NCAPG2: variants seen among roughly 807,000 people sequenced by gnomAD.
NCAPG2 encodes the protein condensin-2 complex subunit G2.
Under a neutral mutation model 141.1 loss-of-function variants are expected in NCAPG2, and 53 were observed. The ratio of observed to expected loss-of-function variants is 0.38; its 90% CI spans 0.30 to 0.47. NCAPG2 has a LOEUF of 0.47. Among genes scored for constraint, NCAPG2 ranks in the 20% least tolerant of loss-of-function variants. The probability of loss-of-function intolerance (pLI) is 0.99; values close to 1 mark genes in which losing one functional copy is unlikely to be tolerated. For missense variants in NCAPG2, 1,087 were observed against 1,389.0 expected (o/e 0.78, Z 3.46); for synonymous variants, 499 against 490.7 (o/e 1.02, Z -0.22).
chr7:158,632,417 T>C (rs1451108829), intron 27 of NCAPG2, among the ~76,000 whole-genome samples: 1 of 152,218 alleles, frequency 6.6e-6, no homozygotes. Context: ...CTTCCCTTTT[T>C]ACTGTCCCAC....
intron 23 of NCAPG2, among the ~76,000 whole-genome samples, 154 bp downstream of exon 23, chr7:158,652,139 T>A (rs1008827263): frequency 2.0e-5 from 3 of 152,076 alleles, no homozygotes; most frequent in Admixed American, 1.3e-4. Context: ...ACGGACTCCA[T>A]CTCTCTCAGT....
In NCAPG2 at chr7:158,667,532, CCCTG is replaced by C. The variant is rs1483214958; in HGVS notation, c.1480-2786_1480-2783del. Among the ~76,000 whole-genome samples the C allele has an allele frequency of 4.4e-4, 20 of 45,116 alleles. 2 individuals are homozygous for C. Among genetic ancestry groups the C allele is most frequent in the African/African-American group, 1.9e-3 (16 of 8,390 alleles). The allele number at this position is 45,116 out of a possible 152,430, so 29.6% of individuals were successfully genotyped here. On this transcript the variant is annotated intron_variant, in intron 13 of 27. Transcript: ENST00000356309. ...TGGGTCCCTCCGCCCTCCTTACCTA[CCCTG>C]TGGCCCTCCACCCGCTTACCCACTA...
chr7:158,635,348 T>C (rs1322578585), intron 27 of NCAPG2, among the ~76,000 whole-genome samples: 1 of 152,134 alleles, frequency 6.6e-6, no homozygotes, highest in Admixed American at 6.6e-5. Flanking sequence ...GAGGCCATTT[T>C]CAGGGAGTAC....
chr7:158,641,309 T>C, intron 27 of NCAPG2: 1 of 396,634 alleles, frequency 2.5e-6, no homozygotes, highest in Non-Finnish European at 4.5e-6. Flanking sequence ...TCACTTTGAA[T>C]ATGGTACATA....
chr7:158,701,155 C>T (rs1471828123), intron 2 of NCAPG2, among the ~76,000 whole-genome samples: 2 of 152,202 alleles, frequency 1.3e-5, no homozygotes, highest in African/African-American at 4.8e-5. Context: ...GGCCCTTCCC[C>T]ACCATATCCA....
At chr7:158,672,157 G>A (rs1193334403) in intron 12 of NCAPG2, among the ~76,000 whole-genome samples, 1 of 151,814 alleles carries the variant, frequency 6.6e-6, no homozygotes, top group African/African-American at 2.4e-5. Flanking sequence ...CACAGGCCAA[G>A]GCTCAGTCTG....
chr7:158,674,195 C>T lies in NCAPG2; in HGVS notation c.1326+1282G>A, dbSNP rs576332317. Reference sequence around the variant, plus strand: ...TCTGCAATGAGGAGAAATGGGGGAGCCTCTGCCTCGGATGGAGATGCGAAC... The same window carrying T: ...TCTGCAATGAGGAGAAATGGGGGAGTCTCTGCCTCGGATGGAGATGCGAAC... On this transcript the variant is annotated intron_variant, in intron 12 of 27. Coordinates refer to ENST00000356309, the MANE Select transcript of NCAPG2 (RefSeq NM_017760.7). 2.0e-5 allele frequency among the ~76,000 whole-genome samples: 3 copies of T among 152,132 alleles called. No homozygotes were observed. In the South Asian group the frequency reaches 6.2e-4, roughly 32 times the overall value.
chr7:158,668,758 G>T (rs1027118716), intron 13 of NCAPG2, among the ~76,000 whole-genome samples: 10 of 152,292 alleles, frequency 6.6e-5, no homozygotes, highest in Middle Eastern at 3.4e-3. Flanking sequence ...TGTTTTCTGG[G>T]TTTTTTGGTC....
intron 12 of NCAPG2, among the ~76,000 whole-genome samples, chr7:158,672,324 ATATATTTTTTTTTTTTTTTTT>A (rs1362410839): frequency 1.3e-4 from 6 of 45,098 alleles, no homozygotes; most frequent in Non-Finnish European, 2.5e-4. Flanking sequence ...ATATATATAT[ATATATTTTTTTTTTTTTTTTT>A]TTTTTTTTTT....
chr7:158,664,185 G>A lies in NCAPG2; in HGVS notation c.1814C>T (p.Thr605Ile). 2 of 1,602,818 alleles carry A rather than the reference G, an allele frequency of 1.2e-6. No homozygotes were observed. Among genetic ancestry groups the A allele is most frequent in the South Asian group, 1.1e-5 (1 of 90,806 alleles). The change falls in exon 15 of 28, where the codon ACT becomes ATT. Residue 605 changes from threonine (T) to isoleucine (I), a missense_variant and splice_region_variant. Physicochemically the swap from Thr to Ile is moderately conservative, Grantham distance 89. Transcript: ENST00000356309. ...EEDGREKENVTVLDKTLSVND... is the reference protein window; with the variant it reads ...EEDGREKENVIVLDKTLSVND... ...CCGGCCTGGCCCTGTTCTACTCACA[G>A]TCACATTCTCCTTCTCCCTTCCGTC...
At chr7:158,645,128 G>A (rs1027627151) in intron 26 of NCAPG2, among the ~76,000 whole-genome samples, 3 of 152,156 alleles carry the variant, frequency 2.0e-5, no homozygotes, top group Non-Finnish European at 4.4e-5. Context: ...TAGTAGATAG[G>A]TCAAATATTA....
At chr7:158,657,573 T>C (rs915130369) in intron 17 of NCAPG2, among the ~76,000 whole-genome samples, 4 of 151,988 alleles carry the variant, frequency 2.6e-5, no homozygotes, top group African/African-American at 9.7e-5. Flanking sequence ...GTCCGGGAGG[T>C]GAGGGGTGCC....
At position 158,675,494 on chromosome 7, in the gene NCAPG2, G is replaced by A. The variant is rs1212733500; in HGVS notation, c.1309C>T (p.Arg437Cys). 1 of 1,602,748 alleles carries A rather than the reference G, an allele frequency of 6.2e-7. No homozygotes were observed. The highest frequency in any genetic ancestry group is 2.2e-5 in the East Asian group (1 of 44,738). The change falls in exon 12 of 28, where the codon CGT becomes TGT. Residue 437 changes from arginine (R) to cysteine (C), a missense_variant. Transcript: ENST00000356309. ...AATCTTACCTTAAAGACAGAACAAC[G>A]AACATCAGCTGAGCTCGTGTCAAAT... Reference protein sequence around the residue: ...LAFDTSSADVRCSVFKCLPMI... With the variant: ...LAFDTSSADVCCSVFKCLPMI...
chr7:158,634,323 CTATAT>C (rs1232306535), intron 27 of NCAPG2, among the ~76,000 whole-genome samples: 2 of 152,066 alleles, frequency 1.3e-5, no homozygotes, highest in African/African-American at 4.8e-5. Context: ...AATTGTTATA[CTATAT>C]TGTCTATATA....
At chr7:158,649,582 C>T (rs1345326144) in intron 24 of NCAPG2, among the ~76,000 whole-genome samples, 1 of 152,106 alleles carries the variant, frequency 6.6e-6, no homozygotes, top group African/African-American at 2.4e-5. Context: ...AGTTTTTATT[C>T]TATTGTGTAA....
At chr7:158,672,288 GTGTGTATATATATATATATATATATATA>G (rs1563549284) in intron 12 of NCAPG2, among the ~76,000 whole-genome samples, 1 of 24,608 alleles carries the variant, frequency 4.1e-5, no homozygotes, top group African/African-American at 1.7e-4. Flanking sequence ...ATGTGTGTGT[GTGTGTATATATATATATATATATATATA>G]TATATATATA....
At chr7:158,656,212 A>C (rs754433711) in intron 19 of NCAPG2, 48 bp downstream of exon 19, 1 of 1,580,052 alleles carries the variant, frequency 6.3e-7, no homozygotes, top group Admixed American at 1.8e-5. Context: ...TTGATTTGTC[A>C]CCCCCACAAT....
Sources: gnomAD v4.1 joint callset for allele counts (sites outside exome capture counted in the v4.1 genomes callset) on GRCh38, gnomAD v4.1.1 for gene constraint, MANE v1.5 for transcripts, NCBI Gene and HGNC (gene_info 2026-07-23, HGNC 2026-07-21) for gene names.